The following ABCC1 variants were observed in gnomAD, a reference collection of about 807,000 sequenced individuals.
ABCC1 encodes the protein ATP binding cassette subfamily C member 1 (ABCC1 blood group), also known as multidrug resistance-associated protein 1.
A neutral mutation model predicts 172.9 loss-of-function variants in ABCC1; 83 were observed. The ratio of observed to expected loss-of-function variants is 0.48; its 90% CI spans 0.40 to 0.58. ABCC1 has a LOEUF of 0.58. Among genes scored for constraint, ABCC1 ranks in the 20% least tolerant of loss-of-function variants. The pLI is 0.00. For synonymous variants in ABCC1, 937 were observed against 825.2 expected, an observed-to-expected ratio of 1.14 and a Z score of -2.32; for missense variants, 1,817 against 2,002.7, an observed-to-expected ratio of 0.91 and a Z score of 1.77.
At chr16:15,955,319 C>T (rs2045967916) in intron 1 of ABCC1, among the ~76,000 whole-genome samples, 1 of 152,156 alleles carries the variant, frequency 6.6e-6, no homozygotes. Context: ...GAGTTCGCCA[C>T]TGCGCTCCAG....
chr16:16,046,168 G>A (rs1356094221), intron 9 of ABCC1, among the ~76,000 whole-genome samples, 155 bp downstream of exon 9: 1 of 152,160 alleles, frequency 6.6e-6, no homozygotes, highest in Non-Finnish European at 1.5e-5. Flanking sequence ...GGGACAGCAC[G>A]CATCAGGCAT....
intron 1 of ABCC1, among the ~76,000 whole-genome samples, chr16:15,957,924 A>C (rs2046036387): frequency 6.6e-6 from 1 of 151,984 alleles, no homozygotes; most frequent in Non-Finnish European, 1.5e-5. Context: ...GATTTCACAG[A>C]AACATCTGGA....
chr16:16,022,414 A>G (rs1353569183), intron 5 of ABCC1, among the ~76,000 whole-genome samples: 3 of 151,810 alleles, frequency 2.0e-5, no homozygotes, highest in Non-Finnish European at 2.9e-5. Context: ...CTTTTTTCTC[A>G]TTGGCACTGA....
chr16:16,023,707 G>A (rs2048274011), intron 5 of ABCC1, among the ~76,000 whole-genome samples: 1 of 152,178 alleles, frequency 6.6e-6, no homozygotes. Flanking sequence ...GGAAGTGCTG[G>A]GAGTTGTGGG....
chr16:16,131,756 A>G, intron 26 of ABCC1, 33 bp from the exon 27 acceptor site: 1 of 1,605,976 alleles, frequency 6.2e-7, no homozygotes, highest in Non-Finnish European at 8.5e-7. Flanking sequence ...TGGACTGGAA[A>G]TTCCTTACTC....
At position 16,102,698 on chromosome 16, in the gene ABCC1, G is replaced by T. The variant is rs1355780947; in HGVS notation, c.2716G>T (p.Ala906Ser). 1 of 1,584,048 alleles carries T rather than the reference G, an allele frequency of 6.3e-7. No individual in the cohort carries two copies. The highest frequency in any genetic ancestry group is 1.2e-5 in the South Asian group (1 of 86,464). ...GAATGGCATGCTGGTGACGGACAGT[G>T]CAGGGAAGCAACTGCAGAGGTAAGG... The part of the protein sequence containing the change: ...MENGMLVTDS[A>S]GKQLQRQLSS... Residue 906 changes from alanine (A) to serine (S), a missense_variant, in exon 20 of 31, where the codon GCA (alanine) becomes TCA (serine). Ala to Ser is a moderately conservative substitution (Grantham distance 99). Coordinates refer to ENST00000399410, the MANE Select transcript of ABCC1 (RefSeq NM_004996.4).
chr16:15,963,116 AG>A (rs1370973014), intron 1 of ABCC1, among the ~76,000 whole-genome samples: 1 of 152,270 alleles, frequency 6.6e-6, no homozygotes, highest in Admixed American at 6.5e-5. Context: ...AAGGGGCTGC[AG>A]GCCCCATGCA....
chr16:15,953,206 C>G (rs2045917137), intron 1 of ABCC1, among the ~76,000 whole-genome samples: 1 of 151,924 alleles, frequency 6.6e-6, no homozygotes, highest in Admixed American at 6.6e-5. Flanking sequence ...CCTGGTGATT[C>G]ACGCCTGTAA....
intron 7 of ABCC1, among the ~76,000 whole-genome samples, chr16:16,039,048 G>A (rs1267394920): frequency 6.6e-6 from 1 of 152,100 alleles, no homozygotes; most frequent in Non-Finnish European, 1.5e-5. Context: ...GGTTCAGAGA[G>A]TGGAACAAAA....
At chr16:16,070,621 C>T (rs550027655) in intron 13 of ABCC1, among the ~76,000 whole-genome samples, 18 of 151,862 alleles carry the variant, frequency 1.2e-4, no homozygotes, top group African/African-American at 4.1e-4. Flanking sequence ...GCCGAGATTG[C>T]GCCACTGCAC....
chr16:16,102,801 C>T (rs1439679230), intron 20 of ABCC1, 84 bp downstream of exon 20: 6 of 1,314,576 alleles, frequency 4.6e-6, no homozygotes, highest in African/African-American at 4.4e-5. Context: ...AAGGCCTCAG[C>T]CCCCTGAGGT....
chr16:16,137,274 G>C (rs979709082), intron 29 of ABCC1, among the ~76,000 whole-genome samples: 5 of 152,154 alleles, frequency 3.3e-5, no homozygotes, highest in African/African-American at 7.2e-5. Context: ...CTGGCTGTTG[G>C]CTGATCTCGG....
rs191654611 is a variant in ABCC1, at chr16:16,077,813, C to T, written c.1988+1412C>T. On this transcript the variant is annotated intron_variant, in intron 15 of 30. Transcript: ENST00000399410. ...CAAGGTGGGCACATCACCTGAAGTC[C>T]GAAGTCTGAGACCAGCTTGGCCAAC... is the stretch of plus-strand genomic sequence containing the variant. Among the ~76,000 whole-genome samples, 207 of 152,132 alleles carry T rather than the reference C, an allele frequency of 1.4e-3. 1 individual carries two copies. The highest frequency in any genetic ancestry group is 4.5e-3 in the African/African-American group (186 of 41,512).
intron 23 of ABCC1, among the ~76,000 whole-genome samples, chr16:16,118,831 G>A (rs1215468434): frequency 6.7e-6 from 1 of 148,318 alleles, no homozygotes. Context: ...ATGGCTTTTG[G>A]CTAAATTTAC....
At chr16:16,006,871 C>CGGTGGCAGTGGCGGTGGT (rs1555480293) in intron 1 of ABCC1, among the ~76,000 whole-genome samples, 6 of 148,142 alleles carry the variant, frequency 4.1e-5, no homozygotes, top group African/African-American at 1.5e-4. Context: ...GTGGCGGTGG[C>CGGTGGCAGTGGCGGTGGT]GGTGGCGGTG....
At chr16:16,052,981 A>G (rs1169845588) in intron 11 of ABCC1, among the ~76,000 whole-genome samples, 165 bp downstream of exon 11, 4 of 152,178 alleles carry the variant, frequency 2.6e-5, no homozygotes, top group Non-Finnish European at 4.4e-5. Flanking sequence ...CCGGCTGCAT[A>G]TCTGGGATTC....
chr16:16,134,538 G>C, intron 28 of ABCC1, 30 bp downstream of exon 28: 4 of 1,612,010 alleles, frequency 2.5e-6, no homozygotes, highest in Non-Finnish European at 3.4e-6. Flanking sequence ...CAGGGGGTGA[G>C]CCAGAGCTGG....
intron 1 of ABCC1, among the ~76,000 whole-genome samples, chr16:15,952,385 C>G (rs892962826): frequency 3.9e-5 from 6 of 152,014 alleles, no homozygotes; most frequent in African/African-American, 9.7e-5. Context: ...AGGTCATGTG[C>G]TTAGAAGTCA....
rs548406892 is a variant in ABCC1 at position 16,082,799 on chromosome 16, C to T, written c.2116-567C>T. Among the ~76,000 whole-genome samples, 15 of 152,288 alleles carry T rather than the reference C, an allele frequency of 9.8e-5. No individual in the cohort carries two copies. In the East Asian group the frequency reaches 1.4e-3, roughly 14 times the overall value. On this transcript the variant is annotated intron_variant, in intron 16 of 30. Coordinates refer to ENST00000399410, the MANE Select transcript of ABCC1 (RefSeq NM_004996.4). ...AGTAGCTGGGACTACAGATGCACAGCGCCATGCCTGGCTAATTTTTCTATT... is the reference window on the plus strand; with the variant it reads ...AGTAGCTGGGACTACAGATGCACAGTGCCATGCCTGGCTAATTTTTCTATT...
Sources: allele counts gnomAD v4.1 joint callset (sites outside exome capture counted in the v4.1 genomes callset), GRCh38; gene constraint gnomAD v4.1.1; transcripts MANE v1.5; gene names NCBI Gene and HGNC (gene_info 2026-07-23, HGNC 2026-07-21).